Variants in ADGRL3 observed in about 807,000 individuals in gnomAD.
ADGRL3 encodes adhesion G protein-coupled receptor L3, also known as calcium-independent alpha-latrotoxin receptor 3.
Under a neutral mutation model 153.5 loss-of-function variants are expected in ADGRL3, and 62 were observed. The observed-to-expected ratio is 0.40, with a 90% CI of 0.33 to 0.50. The LOEUF (loss-of-function observed/expected upper bound fraction) is 0.50. Ranked by LOEUF, ADGRL3 falls within the 20% of genes least tolerant of loss-of-function variation. The pLI, the probability that ADGRL3 is intolerant of heterozygous loss-of-function variation, is 0.47. For missense variants in ADGRL3, 1,641 were observed against 1,859.4 expected (o/e 0.88, Z 2.16); for synonymous variants, 710 against 672.5 (o/e 1.06, Z -0.86).
At chr4:61,510,195 C>G (rs911166961) in intron 3 of ADGRL3, among the ~76,000 whole-genome samples, 1 of 152,176 alleles carries the variant, frequency 6.6e-6, no homozygotes, top group African/African-American at 2.4e-5. Context: ...AATATTTTCT[C>G]TCATTCTGTG....
intron 8 of ADGRL3, among the ~76,000 whole-genome samples, chr4:61,782,350 T>G (rs1490987306): frequency 6.6e-6 from 1 of 152,164 alleles, no homozygotes; most frequent in Non-Finnish European, 1.5e-5. Flanking sequence ...ATGATTTTGT[T>G]TATTCATTTA....
At chr4:61,955,300 C>T (rs890065201) in intron 17 of ADGRL3, among the ~76,000 whole-genome samples, 2 of 152,066 alleles carry the variant, frequency 1.3e-5, no homozygotes, top group African/African-American at 4.8e-5. Flanking sequence ...ATTAGACTTA[C>T]TGATTACTTG....
intron 1 of ADGRL3, among the ~76,000 whole-genome samples, chr4:61,249,877 A>G (rs922236410): frequency 6.6e-6 from 1 of 152,194 alleles, no homozygotes; most frequent in Non-Finnish European, 1.5e-5. Context: ...TAGGCCTGGA[A>G]CATAGTAAAC....
rs573153628 is a variant in ADGRL3 at position 61,333,229 on chromosome 4, A to G, written c.-239-49895A>G. On this transcript the variant is annotated intron_variant, in intron 1 of 26. Coordinates refer to ENST00000683033, the MANE Select transcript of ADGRL3 (RefSeq NM_001387552.1). ...TGTACATAGTACTGGTATTGCTGAT[A>G]GAACTAATATCTTCATTATAAAATA... 7.9e-5 allele frequency among the ~76,000 whole-genome samples: 12 copies of G among 152,292 alleles called. 1 individual carries two copies. The East Asian group carries it at 2.3e-3, about 29-fold the overall frequency.
At chr4:61,304,332 A>G (rs914742217) in intron 1 of ADGRL3, among the ~76,000 whole-genome samples, 5 of 152,194 alleles carry the variant, frequency 3.3e-5, no homozygotes, top group African/African-American at 1.2e-4. Flanking sequence ...AATTCTCTCT[A>G]TGTGTTTAAG....
At position 61,261,171 on chromosome 4, in the gene ADGRL3, GTTCT is replaced by G. The variant is rs1286006929; in HGVS notation, c.-240+59409_-240+59412del. Among the ~76,000 whole-genome samples the G allele has an allele frequency of 2.2e-4, 29 of 130,778 alleles. No individual in the cohort carries two copies. In the South Asian group the frequency reaches 4.3e-3, roughly 19 times the overall value. 85.8% of individuals were successfully genotyped at this position (130,778 alleles called of 152,430 possible). A position where few individuals can be genotyped will look rare whatever the true frequency, so the allele number is the denominator to read the frequency against. ...CCAATACCACTCCCAGCTATTTTTTGTTCTTTTTCATCTTCTTCTTTTTTTTTTT... is the reference window on the plus strand; with the variant it reads ...CCAATACCACTCCCAGCTATTTTTTGTTTTCATCTTCTTCTTTTTTTTTTT... On this transcript the variant is annotated intron_variant, in intron 1 of 26. Transcript: ENST00000683033.
chr4:61,491,049 A>C (rs2152780015), intron 2 of ADGRL3, among the ~76,000 whole-genome samples: 1 of 152,278 alleles, frequency 6.6e-6, no homozygotes, highest in Admixed American at 6.5e-5. Flanking sequence ...AACATTTGAT[A>C]GGATGGTGAT....
intron 4 of ADGRL3, among the ~76,000 whole-genome samples, chr4:61,541,589 G>C (rs1329739305): frequency 1.8e-4 from 27 of 152,166 alleles, no homozygotes; most frequent in African/African-American, 6.5e-4. Flanking sequence ...ATTATGACCA[G>C]AAAGTTGCTA....
At chr4:61,493,543 C>G (rs1579164408) in intron 2 of ADGRL3, among the ~76,000 whole-genome samples, 1 of 152,112 alleles carries the variant, frequency 6.6e-6, no homozygotes. Context: ...CCAGAGTTAA[C>G]AATAGCAATA....
At position 61,541,842 on chromosome 4, in the gene ADGRL3, T is replaced by C. The variant is rs906669322; in HGVS notation, c.259+24324T>C. On this transcript the variant is annotated intron_variant, in intron 4 of 26. Coordinates refer to ENST00000683033, the MANE Select transcript of ADGRL3 (RefSeq NM_001387552.1). ...CCTTAGATATATATGTGTGTGTGTATACACACACACACACACACACACACA... is the reference window on the plus strand; with the variant it reads ...CCTTAGATATATATGTGTGTGTGTACACACACACACACACACACACACACA... Among the ~76,000 whole-genome samples, 46 of 146,572 alleles carry C rather than the reference T, an allele frequency of 3.1e-4. 1 individual carries two copies. The highest frequency in any genetic ancestry group is 3.5e-3 in the Middle Eastern group (1 of 284).
chr4:61,432,557 T>G, intron 2 of ADGRL3, among the ~76,000 whole-genome samples: 1 of 35,578 alleles, frequency 2.8e-5, no homozygotes, highest in East Asian at 3.4e-3. Context: ...CTTTATAGAT[T>G]TCTTTTCTTT....
intron 5 of ADGRL3, among the ~76,000 whole-genome samples, chr4:61,612,827 C>G (rs1257742753): frequency 6.6e-6 from 1 of 152,084 alleles, no homozygotes; most frequent in Non-Finnish European, 1.5e-5. Context: ...TTAGTTTAGT[C>G]TAACCCATTG....
At chr4:61,203,778 T>G (rs1404447383) in intron 1 of ADGRL3, among the ~76,000 whole-genome samples, 1 of 152,346 alleles carries the variant, frequency 6.6e-6, no homozygotes. Context: ...GGCGCCCAAT[T>G]TATCTGCATG....
At chr4:61,946,658 G>A (rs1298245449) in intron 15 of ADGRL3, among the ~76,000 whole-genome samples, 1 of 152,032 alleles carries the variant, frequency 6.6e-6, no homozygotes, top group Non-Finnish European at 1.5e-5. Context: ...TTATGTTTAG[G>A]TGTATGATCT....
At chr4:61,511,063 C>T (rs945325561) in intron 3 of ADGRL3, among the ~76,000 whole-genome samples, 1 of 151,976 alleles carries the variant, frequency 6.6e-6, no homozygotes. Context: ...TGGCTCTTAG[C>T]TTGAATGTTA....
At chr4:61,884,687 C>G (rs1425254510) in intron 9 of ADGRL3, among the ~76,000 whole-genome samples, 1 of 151,852 alleles carries the variant, frequency 6.6e-6, no homozygotes, top group Non-Finnish European at 1.5e-5. Flanking sequence ...TGCAATGGCG[C>G]GATCTTGGCT....
At chr4:61,693,197 C>A (rs898214882) in intron 6 of ADGRL3, among the ~76,000 whole-genome samples, 7 of 151,902 alleles carry the variant, frequency 4.6e-5, no homozygotes, top group African/African-American at 1.7e-4. Context: ...AAAGTATAAC[C>A]TTTTGTTTGA....
At chr4:61,610,797 C>CTT (rs11396203) in intron 5 of ADGRL3, among the ~76,000 whole-genome samples, 29 of 150,896 alleles carry the variant, frequency 1.9e-4, no homozygotes, top group East Asian at 7.8e-4. Context: ...AAAAGGAAAT[C>CTT]TTTTTTTTTC....
intron 9 of ADGRL3, among the ~76,000 whole-genome samples, chr4:61,835,725 G>A (rs2097924431): frequency 6.6e-6 from 1 of 151,758 alleles, no homozygotes; most frequent in Non-Finnish European, 1.5e-5. Flanking sequence ...GCTATCCATG[G>A]GGGGAAAAAA....
Sources: gnomAD v4.1 joint callset for allele counts (sites outside exome capture counted in the v4.1 genomes callset) on GRCh38, gnomAD v4.1.1 for gene constraint, MANE v1.5 for transcripts, NCBI Gene and HGNC (gene_info 2026-07-23, HGNC 2026-07-21) for gene names.